The following MARCHF3 variants were observed in gnomAD, a reference collection of about 807,000 sequenced individuals.
The protein encoded by MARCHF3 is E3 ubiquitin-protein ligase MARCHF3.
In MARCHF3, 13 loss-of-function variants were observed where a neutral mutation model predicts 24.2. The ratio of observed to expected loss-of-function variants is 0.54; its 90% confidence interval spans 0.35 to 0.85. The LOEUF (loss-of-function observed/expected upper bound fraction) is 0.85. Among genes scored for constraint, MARCHF3 ranks in the 40% least tolerant of loss-of-function variants. The pLI is 0.01. For synonymous variants in MARCHF3, 144 were observed against 137.3 expected (o/e 1.05, Z -0.34); for missense variants, 276 against 325.0 (o/e 0.85, Z 1.16).
chr5:126,876,705 C>T lies in MARCHF3; in HGVS notation c.603+1480G>A, dbSNP rs533813258. ...TCACTCTGTCACCAAGGCTGGAGTA[C>T]AGTGGCACGATCTTGGCTCAGTGCA... On this transcript the variant is annotated intron_variant, in intron 4 of 4. Coordinates refer to ENST00000308660, the MANE Select transcript of MARCHF3 (RefSeq NM_178450.5). 2.0e-5 allele frequency among the ~76,000 whole-genome samples: 3 copies of T among 151,720 alleles called. 1 individual carries two copies. In the South Asian group the frequency reaches 6.2e-4, roughly 32 times the overall value.
intron 1 of MARCHF3, among the ~76,000 whole-genome samples, chr5:127,003,451 G>C (rs1441455919): frequency 2.3e-5 from 3 of 128,286 alleles, no homozygotes. Flanking sequence ...CTGGGCGACA[G>C]AGCGAGACTC....
chr5:126,897,846 G>C (rs1753978831), intron 3 of MARCHF3, among the ~76,000 whole-genome samples: 1 of 152,022 alleles, frequency 6.6e-6, no homozygotes, highest in African/African-American at 2.4e-5. Context: ...AAAAAAATCA[G>C]AAATAAAAAA....
At chr5:127,001,881 T>C (rs1412087292) in intron 1 of MARCHF3, among the ~76,000 whole-genome samples, 2 of 152,226 alleles carry the variant, frequency 1.3e-5, no homozygotes, top group Non-Finnish European at 2.9e-5. Context: ...AATTTGGATT[T>C]GTAATGTCAG....
chr5:126,952,079 A>T (rs7703054), intron 1 of MARCHF3, among the ~76,000 whole-genome samples: 150,130 of 152,278 alleles, frequency 0.99, 74,056 homozygotes, highest in East Asian at 1. Context: ...ACTCCTGACC[A>T]CAGGTGATCT....
intron 1 of MARCHF3, among the ~76,000 whole-genome samples, chr5:126,956,645 C>CAAAAA (rs60640113): frequency 4.9e-5 from 1 of 20,608 alleles, no homozygotes; most frequent in African/African-American, 2.2e-4. Flanking sequence ...GCTCTGTCTC[C>CAAAAA]AAAAAAAAAA....
chr5:126,909,143 G>A (rs1328516025), intron 3 of MARCHF3, among the ~76,000 whole-genome samples: 2 of 152,194 alleles, frequency 1.3e-5, no homozygotes, highest in Non-Finnish European at 2.9e-5. Flanking sequence ...GGGGTCAGGG[G>A]TCAGGGACCC....
chr5:126,906,375 A>G (rs1754297095), intron 3 of MARCHF3, among the ~76,000 whole-genome samples: 1 of 152,220 alleles, frequency 6.6e-6, no homozygotes, highest in Non-Finnish European at 1.5e-5. Context: ...TGATTGGAAT[A>G]GTTTCAGAAG....
At chr5:126,988,309 T>C (rs1054687267) in intron 1 of MARCHF3, among the ~76,000 whole-genome samples, 1 of 152,140 alleles carries the variant, frequency 6.6e-6, no homozygotes, top group African/African-American at 2.4e-5. Context: ...GGAAACCGGA[T>C]CTACATATAT....
chr5:127,017,480 C>G (rs1752671768), intron 1 of MARCHF3, among the ~76,000 whole-genome samples: 1 of 152,024 alleles, frequency 6.6e-6, no homozygotes, highest in South Asian at 2.1e-4. Flanking sequence ...TATCGTATAC[C>G]AAAATGCTTT....
intron 4 of MARCHF3, among the ~76,000 whole-genome samples, chr5:126,877,720 T>C (rs1312606523): frequency 6.6e-6 from 1 of 152,184 alleles, no homozygotes; most frequent in Non-Finnish European, 1.5e-5. Context: ...ACAAAGACTT[T>C]AGGCTGTGTC....
intron 1 of MARCHF3, among the ~76,000 whole-genome samples, chr5:126,965,490 G>A (rs1323910393): frequency 6.6e-6 from 1 of 152,132 alleles, no homozygotes; most frequent in Non-Finnish European, 1.5e-5. Context: ...ATAAATAAAT[G>A]CTGCTTTAGA....
intron 1 of MARCHF3, among the ~76,000 whole-genome samples, chr5:127,021,991 G>A (rs1359164846): frequency 6.6e-6 from 1 of 152,176 alleles, no homozygotes; most frequent in Non-Finnish European, 1.5e-5. Context: ...TCCATATTCT[G>A]TGTATACTTG....
intron 1 of MARCHF3, among the ~76,000 whole-genome samples, chr5:127,004,684 T>C (rs1752249549): frequency 1.3e-5 from 2 of 152,172 alleles, no homozygotes; most frequent in Non-Finnish European, 2.9e-5. Flanking sequence ...AGAGAGAACT[T>C]TGCTCAGACA....
chr5:126,974,780 T>C (rs184262136), intron 1 of MARCHF3, among the ~76,000 whole-genome samples: 50 of 152,326 alleles, frequency 3.3e-4, no homozygotes, highest in African/African-American at 1.2e-3. Context: ...TGCTTCTTAT[T>C]AAGTTTTTAC....
At chr5:127,025,442 C>T (rs867437773) in intron 1 of MARCHF3, among the ~76,000 whole-genome samples, 2 of 152,206 alleles carry the variant, frequency 1.3e-5, no homozygotes, top group Middle Eastern at 6.8e-3. Context: ...AACCCCAAAC[C>T]GTCTGCACCT....
chr5:126,877,023 A>C (rs965152359), intron 4 of MARCHF3, among the ~76,000 whole-genome samples: 1 of 152,180 alleles, frequency 6.6e-6, no homozygotes, highest in African/African-American at 2.4e-5. Context: ...AGAATGTCTA[A>C]ATTAACCATA....
At chr5:126,964,143 T>C (rs1018544016) in intron 1 of MARCHF3, among the ~76,000 whole-genome samples, 1 of 152,164 alleles carries the variant, frequency 6.6e-6, no homozygotes, top group Non-Finnish European at 1.5e-5. Context: ...CTCTGCATTC[T>C]TTTTCTCTTC....
chr5:126,913,432 T>A (rs907723789), intron 3 of MARCHF3, among the ~76,000 whole-genome samples: 5 of 152,176 alleles, frequency 3.3e-5, no homozygotes, highest in Non-Finnish European at 7.3e-5. Flanking sequence ...TTCAACTCCT[T>A]TGTTTATTAT....
chr5:127,016,691 G>T (rs1464350639), intron 1 of MARCHF3, among the ~76,000 whole-genome samples: 3 of 152,202 alleles, frequency 2.0e-5, no homozygotes, highest in African/African-American at 7.2e-5. Context: ...CACTGTGGAA[G>T]ACAGTGTGGC....
Sources: allele counts gnomAD v4.1 joint callset (sites outside exome capture counted in the v4.1 genomes callset), GRCh38; gene constraint gnomAD v4.1.1; transcripts MANE v1.5; gene names NCBI Gene and HGNC (gene_info 2026-07-23, HGNC 2026-07-21).